Variants in SBK3 observed in about 807,000 individuals in gnomAD.
The protein encoded by SBK3 is SH3 domain binding kinase family member 3.
SBK3 carries 16 observed loss-of-function variants against 12.7 expected under a neutral mutation model. The observed-to-expected ratio is 1.26, with a 90% CI of 0.86 to 1.92. The LOEUF is 1.92. Ranked by LOEUF, SBK3 falls within the 40% of genes most tolerant of loss-of-function variation. The pLI is 0.00. For missense variants in SBK3, 462 were observed against 481.8 expected, an observed-to-expected ratio of 0.96 and a Z score of 0.38; for synonymous variants, 217 against 213.6, an observed-to-expected ratio of 1.02 and a Z score of -0.14.
At position 55,544,436 on chromosome 19, in the gene SBK3, G is replaced by T; in HGVS notation, c.197-134C>A. 3 of 742,930 alleles carry T rather than the reference G, an allele frequency of 4.0e-6. No individual in the cohort carries two copies. In the South Asian group the frequency reaches 5.6e-5, roughly 14 times the overall value. The allele number at this position is 742,930 out of a possible 1,614,324, so 46.0% of individuals were successfully genotyped here. ...GGGCTCCCCTGTCTGTGAAGTGTGG[G>T]TGGGAGGAGACCTTCTTTGAAGACC... On this transcript the variant is annotated intron_variant, in intron 2 of 3. Transcript: ENST00000612221.
Position 55,541,080 on chromosome 19 carries a change from C to G in SBK3, c.846G>C (p.Leu282Phe). 1 of 1,535,980 alleles carries G rather than the reference C, an allele frequency of 6.5e-7. No homozygotes were observed. The part of the protein sequence containing the change: ...WDQFAPPALA[L>F]LQGLLDLDPE... Reference sequence around the variant, plus strand: ...GATCCAGGTCCAGAAGCCCCTGGAGCAAGGCCAGGGCTGGGGGCGCAAACT... The same window carrying G: ...GATCCAGGTCCAGAAGCCCCTGGAGGAAGGCCAGGGCTGGGGGCGCAAACT... Residue 282 changes from leucine (L) to phenylalanine (F), a missense_variant, in exon 4 of 4, where the codon TTG becomes TTC. Coordinates refer to ENST00000612221, the MANE Select transcript of SBK3 (RefSeq NM_001199824.2). The surrounding 1 kb of genome is among the most constrained non-coding windows in gnomAD (Gnocchi z 5.3).
At position 55,541,609 on chromosome 19, in the gene SBK3, G is replaced by T. The variant is rs1988562634; in HGVS notation, c.400-83C>A. On this transcript the variant is annotated intron_variant, in intron 3 of 3. Transcript: ENST00000612221. This position sits in a 1 kb window ranked among gnomAD's most constrained non-coding sequence, Gnocchi z 5.3. ...TGTCCAGGCTGGTCTCAAACTCCTG[G>T]CCTCAAGCGATCCTCCTGCCTTGGC... 1.7e-6 allele frequency: 2 copies of T among 1,163,600 alleles called. No individual in the cohort carries two copies. Among genetic ancestry groups the T allele is most frequent in the Non-Finnish European group, 2.4e-6 (2 of 848,944 alleles). 72.1% of individuals were successfully genotyped at this position (1,163,600 alleles called of 1,614,324 possible). A position where few individuals can be genotyped will look rare whatever the true frequency, so the allele number is the denominator to read the frequency against.
Position 55,541,286 on chromosome 19 carries a change from G to A in SBK3, c.640C>T (p.Pro214Ser), listed in dbSNP as rs1465919887. ...GCTGGCCGCAGAGGCAGGGTGTCGGGCGGTAGCAGGAGACAGAGCTCAGGC... is the reference window on the plus strand; with the variant it reads ...GCTGGCCGCAGAGGCAGGGTGTCGGACGGTAGCAGGAGACAGAGCTCAGGC... Reference protein sequence around the residue: ...APPELCLLLPPDTLPLRPAVD... With the variant: ...APPELCLLLPSDTLPLRPAVD... Residue 214 changes from proline to serine, a missense_variant, in exon 4 of 4, where the codon CCC (proline) becomes TCC (serine). Transcript: ENST00000612221. The surrounding 1 kb of genome is among the most constrained non-coding windows in gnomAD (Gnocchi z 5.3). 9.1e-6 allele frequency: 14 copies of A among 1,535,646 alleles called. No homozygotes were observed. Among genetic ancestry groups the A allele is most frequent in the African/African-American group, 1.4e-5 (1 of 73,056 alleles).
At position 55,541,326 on chromosome 19, in the gene SBK3, A is replaced by T. The variant is rs1237873594; in HGVS notation, c.600T>A (p.Pro200=). 2.0e-6 allele frequency: 3 copies of T among 1,535,198 alleles called. No individual in the cohort carries two copies. The highest frequency in any genetic ancestry group is 2.6e-6 in the Non-Finnish European group (3 of 1,146,446). ...AGAGCTCAGGCGGTGCCGTGGGCAG[A>T]GGCACTGGTGGGGCGGGGGTCGGGC... ...EGSPTPAPPV[P]LPTAPPELCL... The change falls in exon 4 of 4, where the codon CCT becomes CCA. Residue 200 remains proline, a synonymous_variant. Transcript: ENST00000612221. The surrounding 1 kb of genome is among the most constrained non-coding windows in gnomAD (Gnocchi z 5.3).
At position 55,544,138 on chromosome 19, in the gene SBK3, C is replaced by G. The variant is rs1238692961; in HGVS notation, c.361G>C (p.Ala121Pro). The change falls in exon 3 of 4, where the codon GCG becomes CCG. Residue 121 changes from alanine (A) to proline (P), a missense_variant. Physicochemically the swap from Ala to Pro is conservative, Grantham distance 27. Transcript: ENST00000612221. ...ATCCCGCTGAGGTCCCCACAGGGCGCGTACTCCTGGGCGAAGGCAAAATAG... is the reference window on the plus strand; with the variant it reads ...ATCCCGCTGAGGTCCCCACAGGGCGGGTACTCCTGGGCGAAGGCAAAATAG... Reference protein sequence around the residue: ...PRYFAFAQEYAPCGDLSGMLQ... With the variant: ...PRYFAFAQEYPPCGDLSGMLQ... 6 of 1,532,240 alleles carry G rather than the reference C, an allele frequency of 3.9e-6. No homozygotes were observed. Among genetic ancestry groups the G allele is most frequent in the South Asian group, 1.2e-5 (1 of 83,632 alleles). 94.9% of individuals were successfully genotyped at this position (1,532,240 alleles called of 1,614,324 possible).
At position 55,545,524 on chromosome 19, in the gene SBK3, T is replaced by C. The variant is rs1978360204; in HGVS notation, c.20A>G (p.Glu7Gly). The C allele has an allele frequency of 2.0e-6, 3 of 1,534,972 alleles. No individual in the cohort carries two copies. The East Asian group carries it at 7.3e-5, about 38-fold the overall frequency. The change falls in exon 1 of 4, where the codon GAG (glutamate) becomes GGG (glycine). Residue 7 changes from glutamate (E) to glycine (G), a missense_variant. Transcript: ENST00000612221. This position sits in a 1 kb window ranked among gnomAD's most constrained non-coding sequence, Gnocchi z 4.4. MERRASETPEDGDPEED... is the reference protein window; with the variant it reads MERRASGTPEDGDPEED... ...CTCTGGGTCCCCATCCTCAGGGGTC[T>C]CGGAGGCCCTGCGCTCCATCTCAGG...
rs1230651850 is a variant in SBK3 at position 55,540,995 on chromosome 19, G to C, written c.931C>G (p.Gln311Glu). The C allele has an allele frequency of 6.5e-7, 1 of 1,535,716 alleles. No homozygotes were observed. The highest frequency in any genetic ancestry group is 1.4e-5 in the African/African-American group (1 of 72,972). ...ACCCCAGGTCCCTCTCTGTTCCCTT[G>C]CAACCCCCAGTCGTCCCCCAGGAAG... ...LDFLGDDWGL[Q>E]GNREGPGVLG... is the part of the protein sequence containing the mutation. The change falls in exon 4 of 4, where the codon CAA becomes GAA. Residue 311 changes from glutamine to glutamate, a missense_variant. Physicochemically the swap from Gln to Glu is conservative, Grantham distance 29. Coordinates refer to ENST00000612221, the MANE Select transcript of SBK3 (RefSeq NM_001199824.2).
chr19:55,544,825 A>G lies in SBK3; in HGVS notation c.170T>C (p.Val57Ala). ...RKLGSGSYGR[V>A]LLAQPHQGGP... The stretch of plus-strand genomic sequence containing the variant: ...CCCCTGGTGAGGCTGGGCAAGGAGC[A>G]CGCGGCCGTAGGAGCCGGAGCCCAG... Residue 57 changes from valine (V) to alanine (A), a missense_variant, in exon 2 of 4, where the codon GTG becomes GCG. Coordinates refer to ENST00000612221, the MANE Select transcript of SBK3 (RefSeq NM_001199824.2). 6.5e-7 allele frequency: 1 copy of G among 1,527,172 alleles called. No individual in the cohort carries two copies. The highest frequency in any genetic ancestry group is 8.8e-7 in the Non-Finnish European group (1 of 1,142,642). 94.6% of individuals were successfully genotyped at this position (1,527,172 alleles called of 1,614,324 possible).
In SBK3 at chr19:55,541,036, G is replaced by A. The variant is rs1432920058; in HGVS notation, c.890C>T (p.Pro297Leu). The A allele has an allele frequency of 1.3e-6, 2 of 1,536,012 alleles. No homozygotes were observed. Among genetic ancestry groups the A allele is most frequent in the Admixed American group, 2.0e-5 (1 of 50,986 alleles). Reference sequence around the variant, plus strand: ...CCCCAGGAAGTCCAGGACAGCCAGTGGGGGGCTCCTAGTCTCGGGATCCAG... The same window carrying A: ...CCCCAGGAAGTCCAGGACAGCCAGTAGGGGGCTCCTAGTCTCGGGATCCAG... Reference protein sequence around the residue: ...LDLDPETRSPPLAVLDFLGDD... With the variant: ...LDLDPETRSPLLAVLDFLGDD... Residue 297 changes from proline to leucine, a missense_variant, in exon 4 of 4, where the codon CCA becomes CTA. By Grantham distance (98) the Pro-to-Leu change is moderately conservative. Coordinates refer to ENST00000612221, the MANE Select transcript of SBK3 (RefSeq NM_001199824.2). This position sits in a 1 kb window ranked among gnomAD's most constrained non-coding sequence, Gnocchi z 5.3.
rs1988649399 is a variant in SBK3 at position 55,545,243 on chromosome 19, G to A, written c.45+256C>T. 1 of 582,654 alleles carries A rather than the reference G, an allele frequency of 1.7e-6. No individual in the cohort carries two copies. The highest frequency in any genetic ancestry group is 3.0e-6 in the Non-Finnish European group (1 of 328,914). The allele number at this position is 582,654 out of a possible 1,614,324, so 36.1% of individuals were successfully genotyped here. A position where few individuals can be genotyped will look rare whatever the true frequency, so the allele number is the denominator to read the frequency against. ...CATCCTCAGCCCACACAGTCCCCCTGCCCACCCTGGTCTCTCTCTCCACCG... is the reference window on the plus strand; with the variant it reads ...CATCCTCAGCCCACACAGTCCCCCTACCCACCCTGGTCTCTCTCTCCACCG... On this transcript the variant is annotated intron_variant, in intron 1 of 3. Coordinates refer to ENST00000612221, the MANE Select transcript of SBK3 (RefSeq NM_001199824.2). The surrounding 1 kb of genome is among the most constrained non-coding windows in gnomAD (Gnocchi z 4.4).
rs1978352816 is a variant in SBK3 at position 55,545,468 on chromosome 19, CT to C, written c.45+30del. On this transcript the variant is annotated intron_variant, in intron 1 of 3. Transcript: ENST00000612221. This position sits in a 1 kb window ranked among gnomAD's most constrained non-coding sequence, Gnocchi z 4.4. ...GCCTCTCTCTCCTTCTTTTCTCTCT[CT>C]GTCTTCCTCCCCTGGCTCCCGTCTC... is the stretch of plus-strand genomic sequence containing the variant. 1 of 1,498,124 alleles carries C rather than the reference CT, an allele frequency of 6.7e-7. No homozygotes were observed. The highest frequency in any genetic ancestry group is 9.0e-7 in the Non-Finnish European group (1 of 1,113,488). The allele number at this position is 1,498,124 out of a possible 1,614,324, so 92.8% of individuals were successfully genotyped here.
chr19:55,541,413 G>A lies in SBK3; in HGVS notation c.513C>T (p.Val171=), dbSNP rs1175816845. 15 of 1,535,732 alleles carry A rather than the reference G, an allele frequency of 9.8e-6. No individual in the cohort carries two copies. Among genetic ancestry groups the A allele is most frequent in the Non-Finnish European group, 1.2e-5 (14 of 1,146,866 alleles). ...CCACACGGCTGCAGACCGGGTCGAA[G>A]ACCAGCACGTTGTCAGGTTTGACAT... ...HADVKPDNVL[V]FDPVCSRVAL... is the part of the protein sequence containing the mutation. The change falls in exon 4 of 4, where the codon GTC becomes GTT. Residue 171 remains valine, a synonymous_variant. Transcript: ENST00000612221. The surrounding 1 kb of genome is among the most constrained non-coding windows in gnomAD (Gnocchi z 5.3).
chr19:55,543,141 C>A (rs1439564667), intron 3 of SBK3, among the ~76,000 whole-genome samples: 1 of 147,282 alleles, frequency 6.8e-6, no homozygotes, highest in Non-Finnish European at 1.5e-5. Flanking sequence ...ATCCATCCAC[C>A]CACCAATCCT....
chr19:55,544,606 G>A (rs928546922), intron 2 of SBK3, among the ~76,000 whole-genome samples, 193 bp downstream of exon 2: 1 of 152,186 alleles, frequency 6.6e-6, no homozygotes, highest in Non-Finnish European at 1.5e-5. Context: ...CTGTGGGACC[G>A]TAGGCAGTCC....
At position 55,541,881 on chromosome 19, in the gene SBK3, C is replaced by T. The variant is rs1407078522; in HGVS notation, c.400-355G>A. On this transcript the variant is annotated intron_variant, in intron 3 of 3. Transcript: ENST00000612221. The surrounding 1 kb of genome is among the most constrained non-coding windows in gnomAD (Gnocchi z 5.3). ...TCCTGTAGACCAACTCCCAGCTGGTCTCCCAGTTTTCCCCACTGGAACCCC... is the reference window on the plus strand; with the variant it reads ...TCCTGTAGACCAACTCCCAGCTGGTTTCCCAGTTTTCCCCACTGGAACCCC... Among the ~76,000 whole-genome samples the T allele has an allele frequency of 6.6e-6, 1 of 152,212 alleles. No homozygotes were observed. The highest frequency in any genetic ancestry group is 1.5e-5 in the Non-Finnish European group (1 of 68,032).
At chr19:55,542,941 C>T (rs1294186642) in intron 3 of SBK3, among the ~76,000 whole-genome samples, 31 of 145,116 alleles carry the variant, frequency 2.1e-4, no homozygotes, top group African/African-American at 7.9e-4. Flanking sequence ...TCCATCCACC[C>T]ACCCATCCAT....
At position 55,545,033 on chromosome 19, in the gene SBK3, G is replaced by T; in HGVS notation, c.46-84C>A. The T allele has an allele frequency of 9.3e-7, 1 of 1,076,940 alleles. No individual in the cohort carries two copies. The highest frequency in any genetic ancestry group is 1.3e-6 in the Non-Finnish European group (1 of 762,758). The allele number at this position is 1,076,940 out of a possible 1,614,324, so 66.7% of individuals were successfully genotyped here. A position where few individuals can be genotyped will look rare whatever the true frequency, so the allele number is the denominator to read the frequency against. ...GGGAGGAGGTCACGGCGCAGCCCCA[G>T]GATGGAGGGTGGGGCAGGGGACAGG... On this transcript the variant is annotated intron_variant, in intron 1 of 3. Transcript: ENST00000612221. This position sits in a 1 kb window ranked among gnomAD's most constrained non-coding sequence, Gnocchi z 4.4.
chr19:55,544,290 G>C lies in SBK3; in HGVS notation c.209C>G (p.Ala70Gly). The change falls in exon 3 of 4, where the codon GCT (alanine) becomes GGT (glycine). Residue 70 changes from alanine to glycine, a missense_variant. By Grantham distance (60) the Ala-to-Gly change is moderately conservative (BLOSUM62 0). Transcript: ENST00000612221. ...CAAATCCCGACGCAGGAGCTTCAGA[G>C]CCACAGCTGGACCTGCCAGGGAGAT... ...AQPHQGGPAV[A>G]LKLLRRDLVL... The C allele has an allele frequency of 6.5e-7, 1 of 1,535,798 alleles. No homozygotes were observed.
chr19:55,544,982 C>T lies in SBK3; in HGVS notation c.46-33G>A, dbSNP rs111804799. The T allele has an allele frequency of 3.8e-4, 568 of 1,492,560 alleles. 1 individual carries two copies. In the African/African-American group the frequency reaches 6.8e-3, roughly 18 times the overall value. The allele number at this position is 1,492,560 out of a possible 1,614,324, so 92.5% of individuals were successfully genotyped here. ...AGAGGGGCAGGGTGAGGAGGGGGCGCGTCTGGGGTCCACTGAGAGTGGTGG... is the reference window on the plus strand; with the variant it reads ...AGAGGGGCAGGGTGAGGAGGGGGCGTGTCTGGGGTCCACTGAGAGTGGTGG... On this transcript the variant is annotated intron_variant, in intron 1 of 3. Transcript: ENST00000612221.
Sources: allele counts gnomAD v4.1 joint callset (sites outside exome capture counted in the v4.1 genomes callset), GRCh38; gene constraint gnomAD v4.1.1; non-coding constraint Gnocchi (gnomAD v3.1); transcripts MANE v1.5; gene names NCBI Gene and HGNC (gene_info 2026-07-23, HGNC 2026-07-21).